MSR1: variants seen among roughly 807,000 people sequenced by gnomAD.
MSR1 encodes the protein macrophage scavenger receptor 1, also known as macrophage scavenger receptor types I and II.
MSR1 carries 53 observed loss-of-function variants against 47.2 expected under a neutral mutation model. That is an observed-to-expected ratio of 1.12 (90% CI 0.90 to 1.41). MSR1 has a LOEUF of 1.41. Among genes scored for constraint, MSR1 ranks in the 40% most tolerant of loss-of-function variants. MSR1 has a pLI of 0.00. For synonymous variants in MSR1, 239 were observed against 185.6 expected (o/e 1.29, Z -2.34); for missense variants, 786 against 546.9 (o/e 1.44, Z -4.36).
chr8:16,148,963 G>A (rs1475866899), intron 7 of MSR1, among the ~76,000 whole-genome samples: 1 of 152,134 alleles, frequency 6.6e-6, no homozygotes, highest in South Asian at 2.1e-4. Context: ...CCAACTATAT[G>A]ACATTCTGGA....
intron 3 of MSR1, among the ~76,000 whole-genome samples, chr8:16,171,823 C>T (rs765126473): frequency 6.6e-6 from 1 of 152,102 alleles, no homozygotes; most frequent in African/African-American, 2.4e-5. Flanking sequence ...TCTGGCTCTG[C>T]CCTTTATAAA....
At chr8:16,180,455 G>A (rs992800397) in intron 1 of MSR1, among the ~76,000 whole-genome samples, 2 of 152,116 alleles carry the variant, frequency 1.3e-5, no homozygotes, top group African/African-American at 4.8e-5. Flanking sequence ...ATTGGTCTGA[G>A]GACCACATTT....
chr8:16,150,266 C>T lies in MSR1; in HGVS notation c.944G>A (p.Gly315Glu), dbSNP rs777139410. 11 of 1,565,984 alleles carry T rather than the reference C, an allele frequency of 7.0e-6. No homozygotes were observed. In the East Asian group the frequency reaches 2.1e-4, roughly 30 times the overall value. The change falls in exon 7 of 10, where the codon GGA becomes GAA. Residue 315 changes from glycine to glutamate, a missense_variant. By Grantham distance (98) the Gly-to-Glu change is moderately conservative. Coordinates refer to ENST00000262101, the MANE Select transcript of MSR1 (RefSeq NM_138715.3). Reference sequence around the variant, plus strand: ...GGCATATCCTGGGAGTCCTCGACTTCCAGGAAAGCCAATTGCTCCCCGATC... The same window carrying T: ...GGCATATCCTGGGAGTCCTCGACTTTCAGGAAAGCCAATTGCTCCCCGATC... ...KGDRGAIGFPGSRGLPGYAGR... is the reference protein window; with the variant it reads ...KGDRGAIGFPESRGLPGYAGR...
Position 16,168,685 on chromosome 8 carries a change from GGT to G in MSR1, c.401_402del (p.Asn134ThrfsTer15), listed in dbSNP as rs1801392021. 1.2e-6 allele frequency: 2 copies of G among 1,613,964 alleles called. No homozygotes were observed. Among genetic ancestry groups the G allele is most frequent in the Admixed American group, 1.7e-5 (1 of 59,992 alleles). ...TTTTGGAAATGCTCTGTGTCCATGA[GGT>G]TGGCTTCCATGTCTAAAATATGCTG... Reference protein sequence around the residue: ...RIQHILDMEANLMDTEHFQNF... With the variant: ...RIQHILDMEAXLMDTEHFQNF... On this transcript the variant is annotated frameshift_variant, in exon 4 of 10. Transcript: ENST00000262101. LOFTEE classifies it high-confidence loss of function.
intron 8 of MSR1, chr8:16,140,101 G>A (rs890694428): frequency 3.1e-6 from 3 of 982,018 alleles, no homozygotes; most frequent in Non-Finnish European, 3.6e-6. Context: ...TTGAATGAAT[G>A]GATTTTCTTC....
At chr8:16,140,898 T>C in intron 8 of MSR1, 1 of 1,607,444 alleles carries the variant, frequency 6.2e-7, no homozygotes, top group Non-Finnish European at 8.5e-7. Context: ...TTTGGAGGAG[T>C]CACAAAAGGA....
intron 5 of MSR1, among the ~76,000 whole-genome samples, chr8:16,156,016 T>C (rs1162056385): frequency 6.6e-6 from 1 of 151,790 alleles, no homozygotes. Flanking sequence ...TTTAAAATGA[T>C]TATACCTAGC....
In MSR1 at chr8:16,120,539, G is replaced by A; in HGVS notation, c.1101C>T (p.His367=). 6.2e-7 allele frequency: 1 copy of A among 1,610,480 alleles called. No individual in the cohort carries two copies. Among genetic ancestry groups the A allele is most frequent in the Non-Finnish European group, 8.5e-7 (1 of 1,179,334 alleles). The part of the protein sequence containing the change: ...GPHEGRVEIL[H]SGQWGTICDD... ...CACAAATTGTACCCCACTGGCCGCT[G>A]TGGAGTATCTCCACCCTCCCCTCGT... is the stretch of plus-strand genomic sequence containing the variant. The change falls in exon 9 of 10, where the codon CAC becomes CAT. Residue 367 remains histidine, a synonymous_variant. Transcript: ENST00000262101.
At chr8:16,153,394 G>A (rs775765159) in intron 6 of MSR1, among the ~76,000 whole-genome samples, 3 of 152,028 alleles carry the variant, frequency 2.0e-5, no homozygotes, top group Non-Finnish European at 4.4e-5. Flanking sequence ...AAACAAAATG[G>A]TAACCTGATA....
chr8:16,163,110 G>C (rs1171367857), intron 5 of MSR1, among the ~76,000 whole-genome samples: 1 of 151,888 alleles, frequency 6.6e-6, no homozygotes, highest in Non-Finnish European at 1.5e-5. Context: ...ATAAGAAATA[G>C]AAATATACTA....
chr8:16,111,306 T>C (rs1432333614), intron 9 of MSR1, among the ~76,000 whole-genome samples: 13 of 152,224 alleles, frequency 8.5e-5, no homozygotes, highest in Admixed American at 8.5e-4. Context: ...ATCTATTATA[T>C]TTATTGTCAT....
intron 8 of MSR1, among the ~76,000 whole-genome samples, chr8:16,135,124 G>T (rs535092885): frequency 3.8e-4 from 58 of 152,204 alleles, no homozygotes; most frequent in African/African-American, 1.4e-3. Flanking sequence ...ATTGATGAAG[G>T]TTACTACACT....
intron 8 of MSR1, among the ~76,000 whole-genome samples, chr8:16,130,821 G>T (rs772229923): frequency 1.3e-5 from 2 of 151,658 alleles, no homozygotes; most frequent in Non-Finnish European, 2.9e-5. Context: ...TCATTCTTTT[G>T]TATGGCTGCA....
In MSR1 at chr8:16,140,992, C is replaced by T. The variant is rs375428453; in HGVS notation, c.1033+2566G>A. On this transcript the variant is annotated intron_variant, in intron 8 of 9. Coordinates refer to ENST00000262101, the MANE Select transcript of MSR1 (RefSeq NM_138715.3). Reference sequence around the variant, plus strand: ...GGTAGCAGAGGATGTCCCGCCCAACCCACCTGATCTTAAGAGGGCCCTGCC... The same window carrying T: ...GGTAGCAGAGGATGTCCCGCCCAACTCACCTGATCTTAAGAGGGCCCTGCC... The T allele has an allele frequency of 1.9e-5, 31 of 1,613,784 alleles. No individual in the cohort carries two copies. In the African/African-American group the frequency reaches 4.0e-4, roughly 21 times the overall value.
At chr8:16,136,134 T>G (rs76002827) in intron 8 of MSR1, among the ~76,000 whole-genome samples, 3,870 of 152,298 alleles carry the variant, frequency 0.025, 84 homozygotes, top group South Asian at 0.07. Context: ...GATTTTAATT[T>G]TGAAAGAAGT....
intron 8 of MSR1, among the ~76,000 whole-genome samples, chr8:16,128,778 G>A (rs990964044): frequency 2.6e-5 from 4 of 152,016 alleles, no homozygotes; most frequent in East Asian, 1.9e-4. Context: ...TCTCTTTTCC[G>A]AAAATAATCA....
At chr8:16,190,271 T>G (rs372297992) in intron 1 of MSR1, among the ~76,000 whole-genome samples, 5 of 152,248 alleles carry the variant, frequency 3.3e-5, no homozygotes, top group African/African-American at 4.8e-5. Flanking sequence ...AACTAAAAAG[T>G]GAAAGGAAAA....
intron 9 of MSR1, among the ~76,000 whole-genome samples, chr8:16,110,836 C>T (rs553640167): frequency 1.1e-4 from 17 of 152,100 alleles, no homozygotes; most frequent in Non-Finnish European, 4.4e-5. Flanking sequence ...ATTGCAAACA[C>T]AAACAAACAG....
chr8:16,110,207 T>C lies in MSR1; in HGVS notation c.1234A>G (p.Ile412Val), dbSNP rs369595831. 1.3e-5 allele frequency: 21 copies of C among 1,613,478 alleles called. No homozygotes were observed. The highest frequency in any genetic ancestry group is 1.8e-5 in the Non-Finnish European group (21 of 1,179,644). ...AAHFGQGTGP[I>V]WLNEVFCFGR... ...AAACAAAACACTTCATTCAGCCATATTGGACCAGTACCTGCAATAATGAGG... is the reference window on the plus strand; with the variant it reads ...AAACAAAACACTTCATTCAGCCATACTGGACCAGTACCTGCAATAATGAGG... Residue 412 changes from isoleucine to valine, a missense_variant, in exon 10 of 10, where the codon ATA becomes GTA. By Grantham distance (29) the Ile-to-Val change is conservative (BLOSUM62 3). Transcript: ENST00000262101.
Sources: allele counts gnomAD v4.1 joint callset (sites outside exome capture counted in the v4.1 genomes callset), GRCh38; gene constraint gnomAD v4.1.1; transcripts MANE v1.5; gene names NCBI Gene and HGNC (gene_info 2026-07-23, HGNC 2026-07-21).